Variants in DNAJC17 observed in about 807,000 individuals in gnomAD.
DNAJC17 encodes the protein DnaJ heat shock protein family (Hsp40) member C17.
DNAJC17 carries 35 observed loss-of-function variants against 48.1 expected under a neutral mutation model. That is an observed-to-expected ratio of 0.73 (90% CI 0.56 to 0.96). The LOEUF is 0.96. Among genes scored for constraint, DNAJC17 ranks in the 50% least tolerant of loss-of-function variants. DNAJC17 has a pLI of 0.00. For synonymous variants in DNAJC17, 117 were observed against 142.7 expected (o/e 0.82, Z 1.28); for missense variants, 355 against 377.1 (o/e 0.94, Z 0.48).
In DNAJC17 at chr15:40,774,189, G is replaced by A. The variant is rs927300934; in HGVS notation, c.681+167C>T. On this transcript the variant is annotated intron_variant, in intron 9 of 10. Coordinates refer to ENST00000220496, the MANE Select transcript of DNAJC17 (RefSeq NM_018163.3). ...CCCCATCCATCCCTTCACACACGGT[G>A]CCTCTATTTCCAGGAGTCAGGGGCC... The A allele has an allele frequency of 4.1e-6, 3 of 730,804 alleles. No homozygotes were observed. In the African/African-American group the frequency reaches 5.3e-5, roughly 13 times the overall value. 45.3% of individuals were successfully genotyped at this position (730,804 alleles called of 1,614,324 possible).
intron 1 of DNAJC17, among the ~76,000 whole-genome samples, chr15:40,798,900 C>A (rs768046179): frequency 2.6e-5 from 4 of 152,108 alleles, no homozygotes; most frequent in Non-Finnish European, 5.9e-5. Context: ...CGTGGTGCCC[C>A]GCCTTGTGAG....
At chr15:40,785,168 C>T (rs185084984) in intron 1 of DNAJC17, among the ~76,000 whole-genome samples, 1 of 152,244 alleles carries the variant, frequency 6.6e-6, no homozygotes, top group East Asian at 1.9e-4. Context: ...AAAAAGCTTC[C>T]AGTCTCAGTA....
intron 1 of DNAJC17, among the ~76,000 whole-genome samples, chr15:40,801,616 G>C (rs1233546969): frequency 6.6e-6 from 1 of 152,006 alleles, no homozygotes; most frequent in Admixed American, 6.6e-5. Context: ...AGCCGGGCGT[G>C]GTGGCGGGCG....
intron 1 of DNAJC17, 149 bp from the exon 2 acceptor site, chr15:40,780,146 G>A (rs1889443215): frequency 1.3e-6 from 1 of 778,076 alleles, no homozygotes. Flanking sequence ...GACTGGCAAT[G>A]GAGGAGGCCA....
At position 40,769,259 on chromosome 15, in the gene DNAJC17, A is replaced by G. The variant is rs1449767185; in HGVS notation, c.793-1197T>C. Among the ~76,000 whole-genome samples, 1 of 152,134 alleles carries G rather than the reference A, an allele frequency of 6.6e-6. No homozygotes were observed. Among genetic ancestry groups the G allele is most frequent in the Non-Finnish European group, 1.5e-5 (1 of 67,998 alleles). On this transcript the variant is annotated intron_variant, in intron 10 of 10. Coordinates refer to ENST00000220496, the MANE Select transcript of DNAJC17 (RefSeq NM_018163.3). This position sits in a 1 kb window ranked among gnomAD's most constrained non-coding sequence, Gnocchi z 4.2. The stretch of plus-strand genomic sequence containing the variant: ...TCCCTGGCCCAGCCTCCTGCAAGAG[A>G]AGGAGGACCCCAGAGGAAGCCCGGT...
intron 1 of DNAJC17, among the ~76,000 whole-genome samples, chr15:40,805,118 C>G (rs1035223245): frequency 6.6e-6 from 1 of 152,134 alleles, no homozygotes; most frequent in Admixed American, 6.5e-5. Flanking sequence ...TGGCTCACAC[C>G]TGTAATCCCA....
rs1255444997 is a variant in DNAJC17 at position 40,780,830 on chromosome 15, AT to A, written c.79-834del. ...TCTGTCTCAAATAAAATAAAATAAA[AT>A]AAAATAAAAAATAAAATAAAAGATT... is the stretch of plus-strand genomic sequence containing the variant. On this transcript the variant is annotated intron_variant, in intron 1 of 10. Coordinates refer to ENST00000220496, the MANE Select transcript of DNAJC17 (RefSeq NM_018163.3). 3.8e-3 allele frequency among the ~76,000 whole-genome samples: 572 copies of A among 149,540 alleles called. 4 individuals carry two copies. The highest frequency in any genetic ancestry group is 0.013 in the African/African-American group (530 of 40,186).
At chr15:40,784,145 G>A (rs2141954629) in intron 1 of DNAJC17, among the ~76,000 whole-genome samples, 1 of 152,232 alleles carries the variant, frequency 6.6e-6, no homozygotes, top group South Asian at 2.1e-4. Flanking sequence ...GAACCTGGGA[G>A]GCGGAGGTTG....
At position 40,767,605 on chromosome 15, in the gene DNAJC17, A is replaced by G. The variant is rs1329072949; in HGVS notation, c.*335T>C. 5.1e-6 allele frequency: 3 copies of G among 585,524 alleles called. No homozygotes were observed. The highest frequency in any genetic ancestry group is 3.9e-5 in the African/African-American group (2 of 51,712). 36.3% of individuals were successfully genotyped at this position (585,524 alleles called of 1,614,324 possible). On this transcript the variant is annotated 3_prime_UTR_variant, in exon 11 of 11. Coordinates refer to ENST00000220496, the MANE Select transcript of DNAJC17 (RefSeq NM_018163.3). ...CTGGGCCGAGGGCCTTGTGTAGGCC[A>G]TGTTCCTCGGGCAGCTGCCCCGGGC...
chr15:40,780,841 A>T (rs886990840), intron 1 of DNAJC17, among the ~76,000 whole-genome samples: 17 of 147,982 alleles, frequency 1.1e-4, no homozygotes, highest in Non-Finnish European at 2.4e-4. Flanking sequence ...TAAAATAAAA[A>T]ATAAAATAAA....
At chr15:40,798,854 G>A (rs779865800) in intron 1 of DNAJC17, among the ~76,000 whole-genome samples, 2 of 152,168 alleles carry the variant, frequency 1.3e-5, no homozygotes, top group Non-Finnish European at 2.9e-5. Context: ...TTTGCAAACA[G>A]CGTTAACTCA....
rs183211085 is a variant in DNAJC17 at position 40,797,915 on chromosome 15, T to G, written c.78+9454A>C. On this transcript the variant is annotated intron_variant, in intron 1 of 10. Transcript: ENST00000220496. ...TTTTCTATTTTTAGTAGAGACAGGG[T>G]TTCATCATGTTGGCAAGGCTGGTCT... Among the ~76,000 whole-genome samples the G allele has an allele frequency of 3.0e-3, 450 of 151,490 alleles. 1 individual carries two copies. The highest frequency in any genetic ancestry group is 6.8e-3 in the Middle Eastern group (2 of 294).
chr15:40,783,296 T>C (rs1480158786), intron 1 of DNAJC17, among the ~76,000 whole-genome samples: 1 of 152,210 alleles, frequency 6.6e-6, no homozygotes, highest in African/African-American at 2.4e-5. Flanking sequence ...TCAAGGTTCA[T>C]TAACACATAT....
chr15:40,773,208 C>G (rs1185098157), intron 10 of DNAJC17, among the ~76,000 whole-genome samples: 1 of 152,188 alleles, frequency 6.6e-6, no homozygotes, highest in African/African-American at 2.4e-5. Context: ...GATCCGCCCC[C>G]CTCGGCCTCC....
chr15:40,781,092 A>C (rs1318062320), intron 1 of DNAJC17, among the ~76,000 whole-genome samples: 1 of 147,946 alleles, frequency 6.8e-6, no homozygotes, highest in Non-Finnish European at 1.5e-5. Flanking sequence ...CAGAGGTTGC[A>C]GTGAGCCAAG....
chr15:40,782,458 A>G (rs1374972160), intron 1 of DNAJC17, among the ~76,000 whole-genome samples: 3 of 152,116 alleles, frequency 2.0e-5, no homozygotes, highest in Non-Finnish European at 4.4e-5. Flanking sequence ...TATTTCTTAC[A>G]TAAGTAAAAA....
At chr15:40,787,870 C>T (rs963709774) in intron 1 of DNAJC17, among the ~76,000 whole-genome samples, 4 of 152,180 alleles carry the variant, frequency 2.6e-5, no homozygotes, top group African/African-American at 9.7e-5. Context: ...CCATCATTAA[C>T]TTAAAAGAAA....
At chr15:40,793,134 C>T (rs890046909) in intron 1 of DNAJC17, among the ~76,000 whole-genome samples, 1 of 150,420 alleles carries the variant, frequency 6.6e-6, no homozygotes, top group East Asian at 1.9e-4. Context: ...ACCTCGTGAT[C>T]TGCCCGCCTC....
At chr15:40,768,640 C>T (rs1427923740) in intron 10 of DNAJC17, among the ~76,000 whole-genome samples, 4 of 152,224 alleles carry the variant, frequency 2.6e-5, no homozygotes, top group African/African-American at 9.6e-5. Flanking sequence ...TCTAAAACTA[C>T]ACACCAGGGC....
Sources: allele counts gnomAD v4.1 joint callset (sites outside exome capture counted in the v4.1 genomes callset), GRCh38; gene constraint gnomAD v4.1.1; non-coding constraint Gnocchi (gnomAD v3.1); transcripts MANE v1.5; gene names NCBI Gene and HGNC (gene_info 2026-07-23, HGNC 2026-07-21).